The following CA6 variants were observed in gnomAD, a reference collection of about 807,000 sequenced individuals.
CA6 encodes carbonic anhydrase 6.
CA6 carries 28 observed loss-of-function variants against 35.9 expected under a neutral mutation model. The ratio of observed to expected loss-of-function variants is 0.78; its 90% confidence interval spans 0.58 to 1.07. The LOEUF (loss-of-function observed/expected upper bound fraction) is 1.07, where lower values mean the gene tolerates loss of function less well. Among genes scored for constraint, CA6 ranks in the 50% least tolerant of loss-of-function variants. The probability of loss-of-function intolerance (pLI) is 0.00; values close to 1 mark genes in which losing one functional copy is unlikely to be tolerated. For synonymous variants in CA6, 148 were observed against 152.6 expected, an observed-to-expected ratio of 0.97 and a Z score of 0.22; for missense variants, 377 against 382.0, an observed-to-expected ratio of 0.99 and a Z score of 0.11.
chr1:8,960,224 C>T (rs547436017), intron 4 of CA6, among the ~76,000 whole-genome samples: 42 of 148,452 alleles, frequency 2.8e-4, no homozygotes, highest in African/African-American at 9.7e-4. Context: ...GAGCGAGACT[C>T]CGTCTCAAAA....
At chr1:8,966,159 G>A (rs1340617655) in intron 5 of CA6, among the ~76,000 whole-genome samples, 1 of 152,040 alleles carries the variant, frequency 6.6e-6, no homozygotes, top group East Asian at 1.9e-4. Flanking sequence ...GCTGGGGCGG[G>A]AGTGCAGTGC....
At chr1:8,957,341 T>C (rs1639716134) in intron 3 of CA6, 56 bp downstream of exon 3, 1 of 1,500,748 alleles carries the variant, frequency 6.7e-7, no homozygotes, top group African/African-American at 1.4e-5. Flanking sequence ...GTCACTTTTC[T>C]TTTTATTTAT....
intron 5 of CA6, among the ~76,000 whole-genome samples, chr1:8,966,406 G>A (rs1639969882): frequency 6.6e-6 from 1 of 152,092 alleles, no homozygotes; most frequent in Non-Finnish European, 1.5e-5. Context: ...CACCATACCT[G>A]GCCGTATGTT....
intron 1 of CA6, among the ~76,000 whole-genome samples, chr1:8,947,705 G>C (rs1295909216): frequency 1.3e-5 from 2 of 152,234 alleles, no homozygotes; most frequent in East Asian, 1.9e-4. Context: ...AGTAGCTTTT[G>C]TAAATGCCTT....
At position 8,957,231 on chromosome 1, in the gene CA6, C is replaced by T; in HGVS notation, c.354C>T (p.Ser118=). The T allele has an allele frequency of 6.2e-7, 1 of 1,614,122 alleles. No individual in the cohort carries two copies. The highest frequency in any genetic ancestry group is 8.5e-7 in the Non-Finnish European group (1 of 1,180,000). The change falls in exon 3 of 8, where the codon TCC becomes TCT. Residue 118 remains serine, a synonymous_variant. Coordinates refer to ENST00000377443, the MANE Select transcript of CA6 (RefSeq NM_001215.4). ...TGCACTTTCACTGGGGAGGTGCGTC[C>T]TCGGAGATCAGCGGCTCTGAGCACA... ...QQMHFHWGGA[S]SEISGSEHTV...
chr1:8,967,898 G>A (rs1470789191), intron 6 of CA6, 82 bp downstream of exon 6: 8 of 1,306,470 alleles, frequency 6.1e-6, no homozygotes, highest in Middle Eastern at 3.9e-4. Flanking sequence ...CTCAACGAAC[G>A]TCAACAACTA....
chr1:8,953,200 T>C (rs1476891375), intron 2 of CA6, among the ~76,000 whole-genome samples: 1 of 152,238 alleles, frequency 6.6e-6, no homozygotes, highest in Non-Finnish European at 1.5e-5. Context: ...TGTCTTTTCA[T>C]GGCTTGATAG....
At chr1:8,973,784 C>CTTTT (rs59270335) in intron 7 of CA6, among the ~76,000 whole-genome samples, 5 of 52,054 alleles carry the variant, frequency 9.6e-5, no homozygotes, top group East Asian at 1.2e-3. Flanking sequence ...TTCTTTCTTT[C>CTTTT]TTTTCCCTCC....
At chr1:8,951,874 C>A in intron 2 of CA6, 1 of 241,208 alleles carries the variant, frequency 4.1e-6, no homozygotes, top group Non-Finnish European at 7.7e-6. Flanking sequence ...GGCTGGAGTG[C>A]AGTGGTGCAA....
chr1:8,951,795 G>A, intron 2 of CA6: 1 of 585,538 alleles, frequency 1.7e-6, no homozygotes, highest in Non-Finnish European at 3.0e-6. Context: ...TGGACCCAAA[G>A]TTCACATTAA....
chr1:8,963,901 A>G lies in CA6; in HGVS notation c.571+1245A>G, dbSNP rs1639904490. Among the ~76,000 whole-genome samples the G allele has an allele frequency of 6.6e-6, 1 of 152,176 alleles. No homozygotes were observed. Among genetic ancestry groups the G allele is most frequent in the African/African-American group, 2.4e-5 (1 of 41,436 alleles). On this transcript the variant is annotated intron_variant, in intron 5 of 7. Coordinates refer to ENST00000377443, the MANE Select transcript of CA6 (RefSeq NM_001215.4). This position sits in a 1 kb window ranked among gnomAD's most constrained non-coding sequence, Gnocchi z 4.1. ...GAACAGTGCCCAGAAATCCTAAAGT[A>G]TCACGCTGGGCATTTTCTTTCTGAC...
Position 8,974,612 on chromosome 1 carries a change from CT to C in CA6, c.845-5del. The C allele has an allele frequency of 6.3e-7, 1 of 1,591,420 alleles. No individual in the cohort carries two copies. Among genetic ancestry groups the C allele is most frequent in the Non-Finnish European group, 8.6e-7 (1 of 1,161,926 alleles). On this transcript the variant is annotated splice_polypyrimidine_tract_variant and intron_variant, in intron 7 of 7. Coordinates refer to ENST00000377443, the MANE Select transcript of CA6 (RefSeq NM_001215.4). The stretch of plus-strand genomic sequence containing the variant: ...GTTTAACCATTTCCGACTAACTCTT[CT>C]TTTTACAGAATACACTCTAGGCTCT...
In CA6 at chr1:8,949,741, C is replaced by A. The variant is rs148481474; in HGVS notation, c.259+299C>A. On this transcript the variant is annotated intron_variant, in intron 2 of 7. Coordinates refer to ENST00000377443, the MANE Select transcript of CA6 (RefSeq NM_001215.4). ...CAGGTGACAGGCAGGACAGGCCGTGCTGCTGAAGCCACCCTTCCCACGGGG... is the reference window on the plus strand; with the variant it reads ...CAGGTGACAGGCAGGACAGGCCGTGATGCTGAAGCCACCCTTCCCACGGGG... 1.1e-3 allele frequency among the ~76,000 whole-genome samples: 175 copies of A among 152,268 alleles called. 2 individuals are homozygous for A. The highest frequency in any genetic ancestry group is 4.1e-3 in the African/African-American group (171 of 41,520).
chr1:8,959,931 C>CAAAAAAA (rs373250863), intron 4 of CA6, among the ~76,000 whole-genome samples: 1,289 of 75,072 alleles, frequency 0.017, 97 homozygotes, highest in African/African-American at 0.062. Context: ...GATTCTATCT[C>CAAAAAAA]AAAAAAAAAA....
intron 4 of CA6, among the ~76,000 whole-genome samples, chr1:8,962,044 C>T (rs1639854101): frequency 6.6e-6 from 1 of 151,926 alleles, no homozygotes; most frequent in African/African-American, 2.4e-5. Context: ...GTTGGAGACC[C>T]ACCTGGCCAA....
rs1024526460 is a variant in CA6, at chr1:8,973,718, T to C, written c.845-904T>C. On this transcript the variant is annotated intron_variant, in intron 7 of 7. Coordinates refer to ENST00000377443, the MANE Select transcript of CA6 (RefSeq NM_001215.4). ...TGGATTTTTCTTTCTCTCTCTTTCT[T>C]TCTTTCTTTCTTTCTTTCTTTCTTT... is the stretch of plus-strand genomic sequence containing the variant. Among the ~76,000 whole-genome samples, 47 of 9,636 alleles carry C rather than the reference T, an allele frequency of 4.9e-3. No homozygotes were observed. In the South Asian group the frequency reaches 0.065, roughly 13 times the overall value. The allele number at this position is 9,636 out of a possible 152,430, so 6.3% of individuals were successfully genotyped here.
chr1:8,963,604 C>T lies in CA6; in HGVS notation c.571+948C>T, dbSNP rs770228038. Among the ~76,000 whole-genome samples the T allele has an allele frequency of 3.9e-5, 6 of 152,146 alleles. No homozygotes were observed. The highest frequency in any genetic ancestry group is 1.2e-4 in the African/African-American group (5 of 41,424). Reference sequence around the variant, plus strand: ...TTGCATAGGCTGGGGTGCAATGGCGCGATCATGGCTCAGTGCAGCCTCGAC... The same window carrying T: ...TTGCATAGGCTGGGGTGCAATGGCGTGATCATGGCTCAGTGCAGCCTCGAC... On this transcript the variant is annotated intron_variant, in intron 5 of 7. Transcript: ENST00000377443. This position sits in a 1 kb window ranked among gnomAD's most constrained non-coding sequence, Gnocchi z 4.1.
intron 2 of CA6, among the ~76,000 whole-genome samples, chr1:8,950,165 TAG>T (rs1475830988): frequency 6.6e-6 from 1 of 151,872 alleles, no homozygotes; most frequent in African/African-American, 2.4e-5. Context: ...GTATTTTTAG[TAG>T]AGACGAGGTT....
intron 3 of CA6, 55 bp downstream of exon 3, chr1:8,957,340 C>T (rs1639716020): frequency 6.6e-7 from 1 of 1,510,950 alleles, no homozygotes; most frequent in Admixed American, 2.0e-5. Flanking sequence ...AGTCACTTTT[C>T]TTTTTATTTA....
Sources: allele counts gnomAD v4.1 joint callset (sites outside exome capture counted in the v4.1 genomes callset), GRCh38; gene constraint gnomAD v4.1.1; non-coding constraint Gnocchi (gnomAD v3.1); transcripts MANE v1.5; gene names NCBI Gene and HGNC (gene_info 2026-07-23, HGNC 2026-07-21).